Variants in BMP5 observed in about 807,000 individuals in gnomAD.
BMP5 encodes the protein bone morphogenetic protein 5.
A neutral mutation model predicts 46.6 loss-of-function variants in BMP5; 23 were observed. The ratio of observed to expected loss-of-function variants is 0.49; its 90% CI spans 0.35 to 0.70. BMP5 has a LOEUF of 0.70. Ranked by LOEUF, BMP5 falls within the 30% of genes least tolerant of loss-of-function variation. BMP5 has a pLI of 0.00. For synonymous variants in BMP5, 204 were observed against 191.9 expected (o/e 1.06, Z -0.52); for missense variants, 545 against 565.6 (o/e 0.96, Z 0.37).
At chr6:55,845,462 C>T (rs1433249422) in intron 1 of BMP5, among the ~76,000 whole-genome samples, 1 of 151,856 alleles carries the variant, frequency 6.6e-6, no homozygotes, top group African/African-American at 2.4e-5. Context: ...ACGGGATTTC[C>T]ATGGATTGTG....
At chr6:55,798,240 A>C (rs928035663) in intron 2 of BMP5, among the ~76,000 whole-genome samples, 1 of 152,188 alleles carries the variant, frequency 6.6e-6, no homozygotes, top group Non-Finnish European at 1.5e-5. Context: ...TGTCCAAAAA[A>C]GGTCACATTC....
intron 1 of BMP5, among the ~76,000 whole-genome samples, chr6:55,838,394 T>C (rs748525468): frequency 2.6e-5 from 4 of 152,234 alleles, no homozygotes; most frequent in Non-Finnish European, 4.4e-5. Flanking sequence ...TGATGATCAA[T>C]GATGTTGAGC....
chr6:55,800,208 G>A (rs1175470494), intron 2 of BMP5, among the ~76,000 whole-genome samples: 2 of 152,110 alleles, frequency 1.3e-5, no homozygotes, highest in Non-Finnish European at 2.9e-5. Flanking sequence ...TTAAAAATGT[G>A]ATTCTAGTGA....
At chr6:55,768,665 T>A (rs1287781532) in intron 4 of BMP5, among the ~76,000 whole-genome samples, 2 of 151,924 alleles carry the variant, frequency 1.3e-5, no homozygotes, top group African/African-American at 4.8e-5. Flanking sequence ...GGCCACTACA[T>A]GATTGGATTA....
intron 2 of BMP5, among the ~76,000 whole-genome samples, chr6:55,796,998 AC>A (rs2127530078): frequency 6.6e-6 from 1 of 152,304 alleles, no homozygotes; most frequent in East Asian, 1.9e-4. Flanking sequence ...AAGCTATTTT[AC>A]TTTTGACTGA....
chr6:55,790,181 T>C (rs1033615284), intron 3 of BMP5, among the ~76,000 whole-genome samples: 1 of 152,202 alleles, frequency 6.6e-6, no homozygotes, highest in Non-Finnish European at 1.5e-5. Context: ...ATTCTGCTCC[T>C]ATGTTACATT....
chr6:55,825,535 G>A (rs554549926), intron 1 of BMP5, among the ~76,000 whole-genome samples: 48 of 151,766 alleles, frequency 3.2e-4, no homozygotes, highest in Non-Finnish European at 6.5e-4. Context: ...GTTAAACTCT[G>A]TTTAAAACAC....
intron 1 of BMP5, among the ~76,000 whole-genome samples, chr6:55,840,270 T>G (rs1776917237): frequency 6.6e-6 from 1 of 152,148 alleles, no homozygotes; most frequent in Non-Finnish European, 1.5e-5. Context: ...TGTGTAGGTT[T>G]TTCTTAGGAC....
rs1414162292 is a variant in BMP5 at position 55,754,237 on chromosome 6, G to T, written c.*1296C>A. On this transcript the variant is annotated 3_prime_UTR_variant, in exon 7 of 7. Coordinates refer to ENST00000370830, the MANE Select transcript of BMP5 (RefSeq NM_021073.4). ...AAAGATCATTCTTCAAAAAGTCAGT[G>T]TGTGTTAAAGAAAGGCCTTAGAGGG... The T allele has an allele frequency of 2.0e-5, 3 of 151,828 alleles. No individual in the cohort carries two copies. Among genetic ancestry groups the T allele is most frequent in the Admixed American group, 6.6e-5 (1 of 15,192 alleles). 9.4% of individuals were successfully genotyped at this position (151,828 alleles called of 1,614,324 possible).
At chr6:55,835,344 G>A (rs1432501259) in intron 1 of BMP5, among the ~76,000 whole-genome samples, 1 of 152,106 alleles carries the variant, frequency 6.6e-6, no homozygotes, top group Non-Finnish European at 1.5e-5. Flanking sequence ...TGTAACATGG[G>A]TGGGGCAAAA....
chr6:55,851,690 A>G (rs1246127347), intron 1 of BMP5, among the ~76,000 whole-genome samples: 1 of 152,232 alleles, frequency 6.6e-6, no homozygotes. Context: ...AAAAATAAAA[A>G]TCAACTTAAG....
intron 2 of BMP5, among the ~76,000 whole-genome samples, chr6:55,803,585 C>T (rs978935777): frequency 5.3e-5 from 8 of 152,204 alleles, no homozygotes; most frequent in Non-Finnish European, 8.8e-5. Context: ...TGCTCGCATA[C>T]ATTGTCACTG....
chr6:55,829,920 A>G (rs73446201), intron 1 of BMP5, among the ~76,000 whole-genome samples: 3,271 of 152,062 alleles, frequency 0.022, 119 homozygotes, highest in African/African-American at 0.076. Flanking sequence ...TAACATATTT[A>G]TAATTTTTAA....
intron 6 of BMP5, among the ~76,000 whole-genome samples, chr6:55,756,344 C>G (rs1459710251): frequency 6.6e-6 from 1 of 151,814 alleles, no homozygotes; most frequent in Non-Finnish European, 1.5e-5. Flanking sequence ...GCAGGCTAAG[C>G]TAAATCAGAA....
intron 3 of BMP5, among the ~76,000 whole-genome samples, chr6:55,786,079 G>A (rs568321536): frequency 1.4e-4 from 21 of 151,718 alleles, no homozygotes; most frequent in South Asian, 4.1e-4. Flanking sequence ...CCATGCATGC[G>A]CACAGAAAAA....
At chr6:55,869,575 T>C (rs1777731342) in intron 1 of BMP5, among the ~76,000 whole-genome samples, 1 of 152,192 alleles carries the variant, frequency 6.6e-6, no homozygotes, top group African/African-American at 2.4e-5. Context: ...GCATGTTTGA[T>C]GAGTGTTATT....
At chr6:55,772,459 AC>A (rs1562030117) in intron 4 of BMP5, among the ~76,000 whole-genome samples, 1 of 151,890 alleles carries the variant, frequency 6.6e-6, no homozygotes, top group Non-Finnish European at 1.5e-5. Flanking sequence ...GTTTAGCAAA[AC>A]TTTTTCTTAA....
intron 1 of BMP5, among the ~76,000 whole-genome samples, chr6:55,825,890 C>A (rs916491460): frequency 6.6e-6 from 1 of 151,732 alleles, no homozygotes; most frequent in Admixed American, 6.6e-5. Context: ...AGGAGCCTAG[C>A]CAGCTGTTGA....
In BMP5 at chr6:55,874,904, T is replaced by C; in HGVS notation, c.-39A>G. The C allele has an allele frequency of 1.3e-6, 2 of 1,589,070 alleles. No individual in the cohort carries two copies. Among genetic ancestry groups the C allele is most frequent in the Non-Finnish European group, 1.7e-6 (2 of 1,173,380 alleles). The stretch of plus-strand genomic sequence containing the variant: ...CAAAAGTTGATATTTTTAGTCCTTC[T>C]TGTCCTCTTAAAAAAAAAAAAAACC... On this transcript the variant is annotated 5_prime_UTR_variant, in exon 1 of 7. Coordinates refer to ENST00000370830, the MANE Select transcript of BMP5 (RefSeq NM_021073.4).
Sources: gnomAD v4.1 joint callset for allele counts (sites outside exome capture counted in the v4.1 genomes callset) on GRCh38, gnomAD v4.1.1 for gene constraint, MANE v1.5 for transcripts, NCBI Gene and HGNC (gene_info 2026-07-23, HGNC 2026-07-21) for gene names.